The following NCKAP5 variants were observed in gnomAD, a reference collection of about 807,000 sequenced individuals.
NCKAP5 encodes the protein nck-associated protein 5.
In NCKAP5, 92 loss-of-function variants were observed where a neutral mutation model predicts 167.0. The observed-to-expected ratio is 0.55, with a 90% CI of 0.47 to 0.66. NCKAP5 has a LOEUF of 0.66. Among genes scored for constraint, NCKAP5 ranks in the 30% least tolerant of loss-of-function variants. NCKAP5 has a pLI of 0.00. For missense variants in NCKAP5, 2,378 were observed against 2,315.0 expected (o/e 1.03, Z -0.56); for synonymous variants, 891 against 877.4 (o/e 1.02, Z -0.27).
At chr2:133,104,012 T>G (rs1482456120) in intron 6 of NCKAP5, among the ~76,000 whole-genome samples, 1 of 152,042 alleles carries the variant, frequency 6.6e-6, no homozygotes, top group Admixed American at 6.6e-5. Context: ...CACTCTTATC[T>G]TCAACTCACT....
At chr2:133,279,487 C>A (rs2089860993) in intron 4 of NCKAP5, among the ~76,000 whole-genome samples, 1 of 152,184 alleles carries the variant, frequency 6.6e-6, no homozygotes, top group Non-Finnish European at 1.5e-5. Context: ...ACTAATATCA[C>A]ATAGCTTTAT....
intron 3 of NCKAP5, among the ~76,000 whole-genome samples, chr2:133,445,956 T>C (rs534185880): frequency 6.6e-6 from 1 of 152,278 alleles, no homozygotes; most frequent in South Asian, 2.1e-4. Flanking sequence ...TGGAACCCAC[T>C]GTGTGTGTGT....
At chr2:132,728,772 G>A (rs747263192) in intron 18 of NCKAP5, 44 bp downstream of exon 18, 1 of 1,601,388 alleles carries the variant, frequency 6.2e-7, no homozygotes, top group Non-Finnish European at 8.5e-7. Flanking sequence ...TTAGAATCAG[G>A]ACCAACAGGT....
chr2:133,564,876 A>C (rs1294771208), intron 1 of NCKAP5, among the ~76,000 whole-genome samples: 1 of 152,158 alleles, frequency 6.6e-6, no homozygotes, highest in East Asian at 1.9e-4. Flanking sequence ...TCATCCGTCT[A>C]CTCAACAAGT....
intron 11 of NCKAP5, among the ~76,000 whole-genome samples, chr2:132,837,810 G>A (rs140159527): frequency 1.1e-4 from 16 of 152,316 alleles, no homozygotes; most frequent in South Asian, 1.0e-3. Context: ...AATGTGGGGA[G>A]CTGACTTCCC....
chr2:132,884,251 C>T (rs1209794834), intron 8 of NCKAP5, among the ~76,000 whole-genome samples: 3 of 152,188 alleles, frequency 2.0e-5, no homozygotes, highest in South Asian at 2.1e-4. Flanking sequence ...GCTGATCATC[C>T]GTTTGCCCTT....
intron 19 of NCKAP5, among the ~76,000 whole-genome samples, chr2:132,683,888 C>T (rs1370078872): frequency 6.6e-6 from 1 of 152,118 alleles, no homozygotes. Flanking sequence ...GAGTGATAAA[C>T]CTACAAATAT....
chr2:133,143,351 G>C (rs1283460603), intron 5 of NCKAP5, among the ~76,000 whole-genome samples: 1 of 152,070 alleles, frequency 6.6e-6, no homozygotes, highest in African/African-American at 2.4e-5. Context: ...CCACCTCTTA[G>C]GCCAGGAAGA....
chr2:133,286,152 T>C (rs1023198341), intron 4 of NCKAP5, among the ~76,000 whole-genome samples: 2 of 151,822 alleles, frequency 1.3e-5, no homozygotes, highest in African/African-American at 2.4e-5. Context: ...CCCACTACCA[T>C]GCCAGGCTAA....
At chr2:133,461,221 G>A (rs1044461494) in intron 3 of NCKAP5, among the ~76,000 whole-genome samples, 1 of 152,082 alleles carries the variant, frequency 6.6e-6, no homozygotes, top group Non-Finnish European at 1.5e-5. Flanking sequence ...ATTTATCTTT[G>A]AGAGGTGAAG....
chr2:132,974,775 C>G (rs1161196641), intron 7 of NCKAP5, among the ~76,000 whole-genome samples: 1 of 152,206 alleles, frequency 6.6e-6, no homozygotes. Context: ...GTGTTTGTAT[C>G]AGAAATGTCA....
intron 5 of NCKAP5, among the ~76,000 whole-genome samples, chr2:133,188,641 C>T (rs1364387854): frequency 1.3e-5 from 2 of 152,144 alleles, no homozygotes; most frequent in Admixed American, 6.6e-5. Flanking sequence ...CACTCAAAAC[C>T]GCTCAACTAC....
intron 3 of NCKAP5, among the ~76,000 whole-genome samples, chr2:133,417,271 G>A (rs1689176769): frequency 6.6e-6 from 1 of 152,106 alleles, no homozygotes. Flanking sequence ...GGCCCAGAAT[G>A]GCCAGCTCTC....
intron 3 of NCKAP5, among the ~76,000 whole-genome samples, chr2:133,499,838 G>T (rs1365435380): frequency 2.6e-5 from 4 of 152,180 alleles, no homozygotes; most frequent in Admixed American, 2.6e-4. Context: ...GATTACAGGC[G>T]TGAGCCACCG....
intron 5 of NCKAP5, among the ~76,000 whole-genome samples, chr2:133,152,469 T>C (rs1482995135): frequency 2.0e-5 from 3 of 152,232 alleles, no homozygotes; most frequent in Non-Finnish European, 4.4e-5. Context: ...AGTGTTTTTC[T>C]CTTGTTAATC....
chr2:133,331,736 T>C (rs1031299167), intron 3 of NCKAP5, among the ~76,000 whole-genome samples: 10 of 152,168 alleles, frequency 6.6e-5, no homozygotes, highest in Admixed American at 3.3e-4. Context: ...ATTAAAGGTG[T>C]GGAAAGCTGC....
intron 16 of NCKAP5, among the ~76,000 whole-genome samples, chr2:132,747,117 T>C (rs1417845706): frequency 6.6e-6 from 1 of 150,620 alleles, no homozygotes; most frequent in Admixed American, 6.6e-5. Context: ...AATTTTGTTA[T>C]ATATAAATTA....
At chr2:133,178,388 T>C (rs114578232) in intron 5 of NCKAP5, among the ~76,000 whole-genome samples, 9,182 of 151,018 alleles carry the variant, frequency 0.061, 316 homozygotes, top group African/African-American at 0.089. Context: ...TCCTGTAGTC[T>C]CAGCTACTCA....
intron 4 of NCKAP5, among the ~76,000 whole-genome samples, chr2:133,237,379 G>A (rs750768040): frequency 5.3e-5 from 8 of 151,948 alleles, no homozygotes; most frequent in Non-Finnish European, 1.2e-4. Flanking sequence ...AAGAATAAAA[G>A]GATAGCAAAA....
Sources: allele counts gnomAD v4.1 joint callset (sites outside exome capture counted in the v4.1 genomes callset), GRCh38; gene constraint gnomAD v4.1.1; transcripts MANE v1.5; gene names NCBI Gene and HGNC (gene_info 2026-07-23, HGNC 2026-07-21).